Variants in P4HA2 observed in about 807,000 individuals in gnomAD.
The protein encoded by P4HA2 is prolyl 4-hydroxylase subunit alpha 2.
A neutral mutation model predicts 76.9 loss-of-function variants in P4HA2; 46 were observed. That is an observed-to-expected ratio of 0.60 (90% CI 0.47 to 0.76). The LOEUF is 0.76. P4HA2 is among the 30% of genes least tolerant of loss of function. The pLI, the probability that P4HA2 is intolerant of heterozygous loss-of-function variation, is 0.00. For missense variants in P4HA2, 583 were observed against 669.4 expected, an observed-to-expected ratio of 0.87 and a Z score of 1.42; for synonymous variants, 243 against 254.0, an observed-to-expected ratio of 0.96 and a Z score of 0.41.
In P4HA2 at chr5:132,218,526, C is replaced by G. The variant is rs746535987; in HGVS notation, c.82+19G>C. 6.4e-7 allele frequency: 1 copy of G among 1,571,160 alleles called. No individual in the cohort carries two copies. The highest frequency in any genetic ancestry group is 2.2e-5 in the East Asian group (1 of 44,680). ...GTGAGCCAAGGTGTCAGGGAGACGACAGTCCTGTTGGCACGTACCAATAGA... is the reference window on the plus strand; with the variant it reads ...GTGAGCCAAGGTGTCAGGGAGACGAGAGTCCTGTTGGCACGTACCAATAGA... On this transcript the variant is annotated intron_variant, in intron 2 of 14. Transcript: ENST00000360568.
rs776319847 is a variant in P4HA2, at chr5:132,198,932, C to T, written c.1252G>A (p.Val418Ile). 2 of 1,608,602 alleles carry T rather than the reference C, an allele frequency of 1.2e-6. No homozygotes were observed. The highest frequency in any genetic ancestry group is 2.2e-5 in the South Asian group (2 of 90,960). ...TGTCCTCCCACTCCATAATTTGCAA[C>T]CTGTGGGAAATAACAGCATTAGACC... ...LTVKTAELLQVANYGVGGQYE... is the reference protein window; with the variant it reads ...LTVKTAELLQIANYGVGGQYE... Residue 418 changes from valine to isoleucine, a missense_variant and splice_region_variant, in exon 11 of 15, where the codon GTT becomes ATT. Val to Ile is a conservative substitution (Grantham distance 29, BLOSUM62 3). Coordinates refer to ENST00000360568, the MANE Select transcript of P4HA2 (RefSeq NM_001017974.2).
Position 132,207,781 on chromosome 5 carries a change from G to C in P4HA2, c.1007C>G (p.Pro336Arg). 7 of 1,613,792 alleles carry C rather than the reference G, an allele frequency of 4.3e-6. No individual in the cohort carries two copies. Among genetic ancestry groups the C allele is most frequent in the Non-Finnish European group, 5.9e-6 (7 of 1,179,798 alleles). ...PFKEEDEWDS[P>R]HIVRYYDVMS... is the part of the protein sequence containing the mutation. ...GACATCGTAGTACCTGACGATGTGC[G>C]GGCTGTCCCACTCGTCCTCCTCTTT... The change falls in exon 8 of 15, where the codon CCG (proline) becomes CGG (arginine). Residue 336 changes from proline to arginine, a missense_variant. Transcript: ENST00000360568.
chr5:132,218,570 C>T lies in P4HA2; in HGVS notation c.57G>A (p.Val19=). The part of the protein sequence containing the change: ...LMAWFGVLSC[V]QAEFFTSIGH... ...CAATAGAGGTGAAGAATTCGGCCTG[C>T]ACACAGCTCAGGACACCAAACCAGG... Residue 19 remains valine (V), a synonymous_variant, in exon 2 of 15, where the codon GTG becomes GTA. Transcript: ENST00000360568. 6.2e-7 allele frequency: 1 copy of T among 1,613,634 alleles called. No homozygotes were observed. The highest frequency in any genetic ancestry group is 1.7e-5 in the Admixed American group (1 of 60,022).
At position 132,213,943 on chromosome 5, in the gene P4HA2, C is replaced by T. The variant is rs770299526; in HGVS notation, c.442G>A (p.Gly148Ser). Residue 148 changes from glycine to serine, a missense_variant, in exon 5 of 15, where the codon GGC becomes AGC. Coordinates refer to ENST00000360568, the MANE Select transcript of P4HA2 (RefSeq NM_001017974.2). ...RLQDTYRLDPGTISRGELPGT... is the reference protein window; with the variant it reads ...RLQDTYRLDPSTISRGELPGT... ...GGAAGTTCCCCTCTGGAAATTGTGC[C>T]TGGGTCCAGCCTGTATGTGTCCTGA... is the stretch of plus-strand genomic sequence containing the variant. 23 of 1,614,070 alleles carry T rather than the reference C, an allele frequency of 1.4e-5. No individual in the cohort carries two copies. The highest frequency in any genetic ancestry group is 8.8e-5 in the South Asian group (8 of 91,086).
chr5:132,207,818 T>G lies in P4HA2; in HGVS notation c.970A>C (p.Ile324Leu), dbSNP rs766606081. 14 of 1,611,430 alleles carry G rather than the reference T, an allele frequency of 8.7e-6. No homozygotes were observed. In the South Asian group the frequency reaches 1.5e-4, roughly 18 times the overall value. ...TCGTCCTCCTCTTTGAAGGGGGCAA[T>G]GAGCAGCTGTGGGGCCCTGTTGCCA... is the stretch of plus-strand genomic sequence containing the variant. Reference protein sequence around the residue: ...HHGNRAPQLLIAPFKEEDEWD... With the variant: ...HHGNRAPQLLLAPFKEEDEWD... The change falls in exon 8 of 15, where the codon ATT becomes CTT. Residue 324 changes from isoleucine to leucine, a missense_variant. Transcript: ENST00000360568.
At chr5:132,215,746 G>C (rs532612764) in intron 4 of P4HA2, among the ~76,000 whole-genome samples, 1 of 151,650 alleles carries the variant, frequency 6.6e-6, no homozygotes. Flanking sequence ...TGAGGCAGGA[G>C]GATCACGTGA....
intron 4 of P4HA2, among the ~76,000 whole-genome samples, chr5:132,214,966 T>A (rs901338281): frequency 2.0e-5 from 3 of 152,190 alleles, no homozygotes; most frequent in African/African-American, 7.2e-5. Flanking sequence ...CAGGCTGACT[T>A]AGGGCCTTCA....
chr5:132,191,078 G>A lies in P4HA2; in HGVS notation c.*1932C>T, dbSNP rs1231001731. On this transcript the variant is annotated 3_prime_UTR_variant, in exon 15 of 15. Transcript: ENST00000360568. ...GTAAGGGCCCCCTGGTTCATAGACA[G>A]GCATCTTCTTGCTGTGTGTTCGCAT... is the stretch of plus-strand genomic sequence containing the variant. 6.6e-6 allele frequency among the ~76,000 whole-genome samples: 1 copy of A among 152,224 alleles called. No individual in the cohort carries two copies. The highest frequency in any genetic ancestry group is 1.5e-5 in the Non-Finnish European group (1 of 68,038).
intron 1 of P4HA2, among the ~76,000 whole-genome samples, chr5:132,225,158 T>C (rs1311031142): frequency 2.0e-5 from 3 of 152,078 alleles, no homozygotes; most frequent in Non-Finnish European, 4.4e-5. Context: ...GACAGGCTGA[T>C]GTCTTACCCT....
At chr5:132,222,843 G>A (rs1335487746) in intron 1 of P4HA2, among the ~76,000 whole-genome samples, 1 of 152,202 alleles carries the variant, frequency 6.6e-6, no homozygotes, top group Admixed American at 6.5e-5. Flanking sequence ...TCAGTAACTA[G>A]ACAATGAAGT....
In P4HA2 at chr5:132,192,066, C is replaced by T. The variant is rs1310804688; in HGVS notation, c.*944G>A. ...AAAATCAGGGAAAACAGAATAACTA[C>T]TTATTTAGGGATCTAATCATAGATG... On this transcript the variant is annotated 3_prime_UTR_variant, in exon 15 of 15. Transcript: ENST00000360568. 6.6e-6 allele frequency: 1 copy of T among 152,174 alleles called. No individual in the cohort carries two copies. The highest frequency in any genetic ancestry group is 2.1e-4 in the South Asian group (1 of 4,830). 9.4% of individuals were successfully genotyped at this position (152,174 alleles called of 1,614,324 possible).
Position 132,190,285 on chromosome 5 carries a change from C to A in P4HA2, c.*2725G>T, listed in dbSNP as rs1349407659. ...AGTGTGCCAGTCACGTTTCTATTCT[C>A]AGCTGCAAGCTCATCCTTGTAGTCT... On this transcript the variant is annotated 3_prime_UTR_variant, in exon 15 of 15. Coordinates refer to ENST00000360568, the MANE Select transcript of P4HA2 (RefSeq NM_001017974.2). Among the ~76,000 whole-genome samples, 1 of 152,198 alleles carries A rather than the reference C, an allele frequency of 6.6e-6. No homozygotes were observed. Among genetic ancestry groups the A allele is most frequent in the Non-Finnish European group, 1.5e-5 (1 of 68,034 alleles).
At chr5:132,209,035 G>A (rs1484625106) in intron 7 of P4HA2, 103 bp downstream of exon 7, 1 of 808,410 alleles carries the variant, frequency 1.2e-6, no homozygotes. Context: ...GATATACTGA[G>A]AAAAGTACCT....
At chr5:132,201,783 T>C (rs1751517008) in intron 10 of P4HA2, 1 of 152,166 alleles carries the variant, frequency 6.6e-6, no homozygotes, top group African/African-American at 2.4e-5. Flanking sequence ...AGTCAGTCCA[T>C]AGGCAAGAAG....
chr5:132,224,380 G>T (rs112628374), intron 1 of P4HA2, among the ~76,000 whole-genome samples: 9,107 of 152,286 alleles, frequency 0.06, 880 homozygotes, highest in African/African-American at 0.2. Context: ...GATGACAGAT[G>T]TTGGCAGGTA....
chr5:132,217,471 G>A, intron 3 of P4HA2, 123 bp from the exon 4 acceptor site: 2 of 875,802 alleles, frequency 2.3e-6, no homozygotes, highest in South Asian at 1.6e-5. Flanking sequence ...AAGAGGCAAT[G>A]AAAAATGAAT....
chr5:132,198,345 A>G lies in P4HA2; in HGVS notation c.1341T>C (p.Asn447=), dbSNP rs1750985099. The G allele has an allele frequency of 6.2e-7, 1 of 1,613,856 alleles. No individual in the cohort carries two copies. The highest frequency in any genetic ancestry group is 1.3e-5 in the African/African-American group (1 of 74,918). ...CGTAGTTAAGAAACGTCGCTAACCTATTCCCCTCTGTTTTGAGGCCGCTGT... is the reference window on the plus strand; with the variant it reads ...CGTAGTTAAGAAACGTCGCTAACCTGTTCCCCTCTGTTTTGAGGCCGCTGT... The part of the protein sequence containing the change: ...PFDSGLKTEG[N]RLATFLNYMS... Residue 447 remains asparagine (N), a synonymous_variant, in exon 12 of 15, where the codon AAT becomes AAC. Transcript: ENST00000360568.
At chr5:132,203,042 A>C (rs1035149105) in intron 10 of P4HA2, among the ~76,000 whole-genome samples, 5 of 152,226 alleles carry the variant, frequency 3.3e-5, no homozygotes, top group African/African-American at 7.2e-5. Flanking sequence ...GTTGTTGCCC[A>C]TAACACTGAA....
intron 8 of P4HA2, among the ~76,000 whole-genome samples, chr5:132,204,723 T>C (rs77228663): frequency 1.7e-3 from 262 of 152,330 alleles, no homozygotes; most frequent in African/African-American, 6.0e-3. Flanking sequence ...TGGCACAGTT[T>C]TCGCTCCCTT....
Sources: allele counts gnomAD v4.1 joint callset (sites outside exome capture counted in the v4.1 genomes callset), GRCh38; gene constraint gnomAD v4.1.1; transcripts MANE v1.5; gene names NCBI Gene and HGNC (gene_info 2026-07-23, HGNC 2026-07-21).